The following CCDC192 variants were observed in gnomAD, a reference collection of about 807,000 sequenced individuals.
The protein encoded by CCDC192 is coiled-coil domain-containing protein 192.
At chr5:127,811,577 C>T (rs537003209) in intron 5 of CCDC192, among the ~76,000 whole-genome samples, 8 of 151,890 alleles carry the variant, frequency 5.3e-5, no homozygotes, top group South Asian at 4.2e-4. Context: ...ATTTTGTTCG[C>T]GAATGTGAAG....
intron 3 of CCDC192, among the ~76,000 whole-genome samples, chr5:127,777,871 G>A (rs1410484785): frequency 2.7e-5 from 4 of 150,438 alleles, no homozygotes; most frequent in Non-Finnish European, 3.0e-5. Flanking sequence ...CTCCAGCCAC[G>A]TGGAACTGTG....
intron 6 of CCDC192, among the ~76,000 whole-genome samples, chr5:127,929,444 C>T (rs9327457): frequency 0.1 from 15,225 of 152,016 alleles, 1,558 homozygotes; most frequent in East Asian, 0.3. Flanking sequence ...AGAGAAGGGG[C>T]TGTGTGTAGA....
chr5:127,895,859 C>A (rs1340291637), intron 6 of CCDC192, among the ~76,000 whole-genome samples: 2 of 151,030 alleles, frequency 1.3e-5, no homozygotes, highest in Non-Finnish European at 2.9e-5. Context: ...AAAAGTAGTG[C>A]CACCTCAGAC....
intron 2 of CCDC192, among the ~76,000 whole-genome samples, chr5:127,725,673 T>A (rs1752279293): frequency 6.6e-6 from 1 of 152,194 alleles, no homozygotes; most frequent in Admixed American, 6.5e-5. Flanking sequence ...TATGGGACAG[T>A]GCTGGTCTGG....
chr5:127,723,030 G>A (rs1321459431), intron 2 of CCDC192, among the ~76,000 whole-genome samples: 5 of 151,988 alleles, frequency 3.3e-5, no homozygotes, highest in Non-Finnish European at 7.4e-5. Flanking sequence ...CATTGAATCC[G>A]TACATTGCTT....
intron 5 of CCDC192, among the ~76,000 whole-genome samples, chr5:127,861,799 G>A (rs1751385066): frequency 6.6e-6 from 1 of 152,268 alleles, no homozygotes. Flanking sequence ...TTGGCATTTG[G>A]AGAAAGTGAA....
At position 127,767,163 on chromosome 5, in the gene CCDC192, A is replaced by T. The variant is rs374300982; in HGVS notation, c.222+12788A>T. ...TACCCTGTTCCATGAAAATGCTCTG[A>T]GAATGTGCCAGTTAGAGGGAGTGTT... On this transcript the variant is annotated intron_variant, in intron 3 of 6. Coordinates refer to ENST00000514853, the MANE Select transcript of CCDC192 (RefSeq NM_001317938.2). Among the ~76,000 whole-genome samples the T allele has an allele frequency of 4.6e-5, 7 of 152,152 alleles. No individual in the cohort carries two copies. In the East Asian group the frequency reaches 1.4e-3, roughly 29 times the overall value.
intron 2 of CCDC192, among the ~76,000 whole-genome samples, chr5:127,749,902 G>A (rs966030982): frequency 1.3e-5 from 2 of 152,300 alleles, no homozygotes; most frequent in African/African-American, 4.8e-5. Flanking sequence ...TATTTGCGTA[G>A]AGGTGTTTAT....
intron 2 of CCDC192, among the ~76,000 whole-genome samples, chr5:127,753,642 C>G (rs553957294): frequency 1.3e-5 from 2 of 150,002 alleles, no homozygotes; most frequent in South Asian, 4.2e-4. Flanking sequence ...GAGCCAAGAT[C>G]GTGCCCTTGC....
chr5:127,784,798 G>T (rs776556509), intron 3 of CCDC192: 1 of 484,336 alleles, frequency 2.1e-6, no homozygotes, highest in Non-Finnish European at 4.1e-6. Flanking sequence ...TGATTCTCAT[G>T]ATGGCCATCT....
intron 2 of CCDC192, among the ~76,000 whole-genome samples, chr5:127,710,696 T>C (rs1340400071): frequency 6.6e-6 from 1 of 152,156 alleles, no homozygotes; most frequent in Non-Finnish European, 1.5e-5. Context: ...GAGCAGCCCA[T>C]GAGGGTGGTG....
At chr5:127,913,280 T>C (rs1238106293) in intron 6 of CCDC192, among the ~76,000 whole-genome samples, 2 of 152,162 alleles carry the variant, frequency 1.3e-5, no homozygotes, top group East Asian at 3.9e-4. Context: ...CAGATGCCAC[T>C]TTACCATATT....
intron 6 of CCDC192, among the ~76,000 whole-genome samples, chr5:127,920,147 C>A (rs1463584795): frequency 2.0e-5 from 3 of 152,184 alleles, no homozygotes; most frequent in Admixed American, 6.5e-5. Flanking sequence ...AACATAGAAC[C>A]ATTTTAGAAA....
At position 127,730,868 on chromosome 5, in the gene CCDC192, C is replaced by A. The variant is rs185703022; in HGVS notation, c.114+23108C>A. 2.4e-3 allele frequency among the ~76,000 whole-genome samples: 364 copies of A among 152,220 alleles called. 3 individuals are homozygous for A. The highest frequency in any genetic ancestry group is 8.4e-3 in the African/African-American group (349 of 41,506). ...AACTAGGTATTGATGGAACATACCT[C>A]AAAATAATAAGAGCCATTTATGACA... On this transcript the variant is annotated intron_variant, in intron 2 of 6. Transcript: ENST00000514853.
chr5:127,789,059 C>T (rs191277975), intron 3 of CCDC192, among the ~76,000 whole-genome samples: 77 of 152,270 alleles, frequency 5.1e-4, no homozygotes, highest in Non-Finnish European at 2.4e-4. Context: ...TTTTTTGTCA[C>T]TTTGGCCTTG....
At chr5:127,839,830 A>G (rs899877621) in intron 5 of CCDC192, among the ~76,000 whole-genome samples, 3 of 152,154 alleles carry the variant, frequency 2.0e-5, no homozygotes, top group African/African-American at 4.8e-5. Context: ...TGTACAAATA[A>G]GAGTTTTTAA....
chr5:127,905,466 T>C (rs1415807207), intron 6 of CCDC192, among the ~76,000 whole-genome samples: 3 of 152,238 alleles, frequency 2.0e-5, no homozygotes, highest in Admixed American at 6.5e-5. Flanking sequence ...AGTTTTGCAT[T>C]TTATTAAAAA....
intron 6 of CCDC192, among the ~76,000 whole-genome samples, chr5:127,896,456 G>A (rs1273436989): frequency 2.7e-5 from 4 of 148,512 alleles, no homozygotes; most frequent in Non-Finnish European, 5.9e-5. Flanking sequence ...TTCTTGAGAC[G>A]GAGTTTCGCT....
chr5:127,793,820 A>T (rs1303162293), intron 3 of CCDC192, among the ~76,000 whole-genome samples: 1 of 152,168 alleles, frequency 6.6e-6, no homozygotes, highest in African/African-American at 2.4e-5. Context: ...AAGAGCATGG[A>T]ATCTTAGAAC....
Sources: allele counts gnomAD v4.1 joint callset (sites outside exome capture counted in the v4.1 genomes callset), GRCh38; gene constraint gnomAD v4.1.1; transcripts MANE v1.5; gene names NCBI Gene and HGNC (gene_info 2026-07-23, HGNC 2026-07-21).